Variants in FNDC3B observed in about 807,000 individuals in gnomAD.
FNDC3B encodes fibronectin type III domain-containing protein 3B.
A neutral mutation model predicts 151.5 loss-of-function variants in FNDC3B; 12 were observed. The observed-to-expected ratio is 0.08, with a 90% CI of 0.05 to 0.13. The LOEUF (loss-of-function observed/expected upper bound fraction) is 0.13. FNDC3B is among the 10% of genes least tolerant of loss of function. The pLI is 1.00. For synonymous variants in FNDC3B, 528 were observed against 549.0 expected (o/e 0.96, Z 0.54); for missense variants, 1,214 against 1,505.3 (o/e 0.81, Z 3.20).
intron 1 of FNDC3B, among the ~76,000 whole-genome samples, chr3:172,049,762 G>T (rs1716552512): frequency 1.3e-5 from 2 of 152,172 alleles, no homozygotes; most frequent in Admixed American, 1.3e-4. Flanking sequence ...CCTGACCTCA[G>T]GTGATCTGCT....
At chr3:172,386,609 G>A (rs1214862165) in intron 25 of FNDC3B, among the ~76,000 whole-genome samples, 7 of 151,970 alleles carry the variant, frequency 4.6e-5, no homozygotes, top group African/African-American at 1.4e-4. Context: ...AGGCATGTTG[G>A]CAGGCACCTG....
intron 3 of FNDC3B, among the ~76,000 whole-genome samples, chr3:172,213,215 C>T (rs1043361412): frequency 6.6e-6 from 1 of 152,188 alleles, no homozygotes; most frequent in Non-Finnish European, 1.5e-5. Flanking sequence ...GACCTCAGAT[C>T]TGTGGCCAGA....
chr3:172,373,812 C>T (rs548317910), intron 23 of FNDC3B, among the ~76,000 whole-genome samples: 20 of 152,252 alleles, frequency 1.3e-4, no homozygotes, highest in African/African-American at 3.6e-4. Flanking sequence ...CTTATTTTGC[C>T]TCCTGGAATG....
chr3:172,125,345 C>T (rs1177456249), intron 2 of FNDC3B, among the ~76,000 whole-genome samples: 4 of 152,080 alleles, frequency 2.6e-5, no homozygotes, highest in Non-Finnish European at 5.9e-5. Flanking sequence ...GTCACAGCAG[C>T]GGCTCCCTTT....
chr3:172,070,927 CAA>C (rs1219795454), intron 1 of FNDC3B, among the ~76,000 whole-genome samples: 2 of 152,022 alleles, frequency 1.3e-5, no homozygotes, highest in Non-Finnish European at 2.9e-5. Context: ...TAATTTAAAA[CAA>C]AAAGTTTTCA....
intron 4 of FNDC3B, among the ~76,000 whole-genome samples, chr3:172,232,520 G>C (rs1726943215): frequency 6.6e-6 from 1 of 152,150 alleles, no homozygotes; most frequent in Non-Finnish European, 1.5e-5. Flanking sequence ...GTGGAATCCT[G>C]TCATTTCAGC....
intron 9 of FNDC3B, chr3:172,301,504 A>C (rs990878335): frequency 3.9e-5 from 6 of 152,222 alleles, no homozygotes; most frequent in South Asian, 2.1e-4. Flanking sequence ...GCCGTGTGGA[A>C]ATAGTTTCTT....
chr3:172,236,001 T>A (rs547475969), intron 4 of FNDC3B, among the ~76,000 whole-genome samples: 1 of 152,332 alleles, frequency 6.6e-6, no homozygotes, highest in African/African-American at 2.4e-5. Context: ...TTTATTCACA[T>A]CTCAGAAGCA....
rs369999497 is a variant in FNDC3B at position 172,309,221 on chromosome 3, G to T, written c.1201-1607G>T. Reference sequence around the variant, plus strand: ...CCTGATCAAAGTGCTCCAGGTGGGGGCACAAGGACAGGGGAACATTCTCTG... The same window carrying T: ...CCTGATCAAAGTGCTCCAGGTGGGGTCACAAGGACAGGGGAACATTCTCTG... On this transcript the variant is annotated intron_variant, in intron 10 of 25. Transcript: ENST00000415807. Among the ~76,000 whole-genome samples the T allele has an allele frequency of 5.3e-5, 8 of 152,266 alleles. 1 individual carries two copies. The highest frequency in any genetic ancestry group is 1.7e-4 in the African/African-American group (7 of 41,554).
At chr3:172,198,940 C>A (rs1346090327) in intron 3 of FNDC3B, among the ~76,000 whole-genome samples, 1 of 151,914 alleles carries the variant, frequency 6.6e-6, no homozygotes, top group African/African-American at 2.4e-5. Flanking sequence ...GATTCTCTTG[C>A]CTCAGCCTCC....
At chr3:172,269,427 T>TA (rs34879174) in intron 6 of FNDC3B, among the ~76,000 whole-genome samples, 1 of 141,448 alleles carries the variant, frequency 7.1e-6, no homozygotes, top group Admixed American at 6.8e-5. Flanking sequence ...GCTGGCTAAT[T>TA]AAAAAAAATT....
chr3:172,369,835 C>G (rs1734797604), intron 23 of FNDC3B, among the ~76,000 whole-genome samples: 1 of 152,122 alleles, frequency 6.6e-6, no homozygotes, highest in African/African-American at 2.4e-5. Flanking sequence ...AGGGCGAATA[C>G]TATCCATTTC....
chr3:172,274,202 A>G (rs899129116), intron 6 of FNDC3B, among the ~76,000 whole-genome samples: 1 of 152,206 alleles, frequency 6.6e-6, no homozygotes, highest in Non-Finnish European at 1.5e-5. Context: ...TTGGATTTCC[A>G]AACTGACCTT....
At chr3:172,125,412 C>G (rs563678902) in intron 2 of FNDC3B, among the ~76,000 whole-genome samples, 1 of 152,094 alleles carries the variant, frequency 6.6e-6, no homozygotes, top group Non-Finnish European at 1.5e-5. Flanking sequence ...TGCTCCCTCC[C>G]GGGTCAGCAG....
chr3:172,239,689 A>G (rs984742576), intron 4 of FNDC3B, among the ~76,000 whole-genome samples: 10 of 151,756 alleles, frequency 6.6e-5, no homozygotes, highest in Admixed American at 6.6e-4. Context: ...GTAGAAGGAA[A>G]GAGCTTCAGG....
intron 3 of FNDC3B, among the ~76,000 whole-genome samples, chr3:172,220,573 A>T (rs974237541): frequency 6.6e-6 from 1 of 152,098 alleles, no homozygotes; most frequent in African/African-American, 2.4e-5. Flanking sequence ...GTGTCTATAG[A>T]TCTGTTGCCA....
chr3:172,099,361 A>G (rs947445190), intron 1 of FNDC3B, among the ~76,000 whole-genome samples: 1 of 152,168 alleles, frequency 6.6e-6, no homozygotes, highest in Non-Finnish European at 1.5e-5. Context: ...TACTAGATCA[A>G]ATCATGGCGG....
In FNDC3B at chr3:172,344,165, A is replaced by C; in HGVS notation, c.2157A>C (p.Glu719Asp). 1.2e-6 allele frequency: 2 copies of C among 1,614,184 alleles called. No homozygotes were observed. Among genetic ancestry groups the C allele is most frequent in the Non-Finnish European group, 1.7e-6 (2 of 1,180,018 alleles). The change falls in exon 19 of 26, where the codon GAA becomes GAC. Residue 719 changes from glutamate to aspartate, a missense_variant. By Grantham distance (45) the Glu-to-Asp change is conservative (BLOSUM62 2). This residue lies in a region of FNDC3B where 380 missense variants were observed against 420.9 expected (regional missense o/e 0.90). Coordinates refer to ENST00000415807, the MANE Select transcript of FNDC3B (RefSeq NM_022763.4). ...EMTEPEDVAS[E>D]VYHGPELECT... ...CGGAGCCCGAAGACGTAGCCTCGGAAGTGTACCATGGCCCAGAGCTGGAGT... is the reference window on the plus strand; with the variant it reads ...CGGAGCCCGAAGACGTAGCCTCGGACGTGTACCATGGCCCAGAGCTGGAGT...
intron 9 of FNDC3B, among the ~76,000 whole-genome samples, chr3:172,305,676 T>G (rs1031782051): frequency 6.6e-6 from 1 of 152,238 alleles, no homozygotes; most frequent in African/African-American, 2.4e-5. Context: ...TTCAAAACAT[T>G]ATGTTTTTGC....
Sources: gnomAD v4.1 joint callset for allele counts (sites outside exome capture counted in the v4.1 genomes callset) on GRCh38, gnomAD v4.1.1 for gene constraint, gnomAD v4.1.1 regional missense constraint, MANE v1.5 for transcripts, NCBI Gene and HGNC (gene_info 2026-07-23, HGNC 2026-07-21) for gene names.